IL17RD: variants seen among roughly 807,000 people sequenced by gnomAD.
IL17RD encodes the protein interleukin 17 receptor D.
A neutral mutation model predicts 80.5 loss-of-function variants in IL17RD; 52 were observed. That is an observed-to-expected ratio of 0.65 (90% confidence interval 0.52 to 0.81). The LOEUF (loss-of-function observed/expected upper bound fraction) is 0.81. Among genes scored for constraint, IL17RD ranks in the 40% least tolerant of loss-of-function variants. The probability of loss-of-function intolerance (pLI) is 0.00; values close to 1 mark genes in which losing one functional copy is unlikely to be tolerated. For missense variants in IL17RD, 1,024 were observed against 955.1 expected, an observed-to-expected ratio of 1.07 and a Z score of -0.95; for synonymous variants, 416 against 391.8, an observed-to-expected ratio of 1.06 and a Z score of -0.73.
intron 1 of IL17RD, 59 bp downstream of exon 1, chr3:57,165,102 G>A: frequency 2.1e-6 from 3 of 1,452,054 alleles, no homozygotes; most frequent in Non-Finnish European, 2.7e-6. Context: ...GCGAGCACCT[G>A]TGCGCGCTGC....
intron 3 of IL17RD, among the ~76,000 whole-genome samples, chr3:57,112,448 ACT>A (rs1559471357): frequency 6.6e-6 from 1 of 151,856 alleles, no homozygotes; most frequent in South Asian, 2.1e-4. Context: ...CCTAACAGAA[ACT>A]CTCCAGCCAC....
Position 57,105,850 on chromosome 3 carries a change from A to C in IL17RD, c.747+7T>G. On this transcript the variant is annotated splice_region_variant and intron_variant, in intron 7 of 12. Transcript: ENST00000296318. ...CAGTGTTCCTTTATATACACCCAGC[A>C]GCTCACCTGCTTACAGGTCTTTCGC... The C allele has an allele frequency of 3.7e-6, 6 of 1,612,954 alleles. No homozygotes were observed. The highest frequency in any genetic ancestry group is 1.7e-5 in the Admixed American group (1 of 59,976).
At chr3:57,101,024 A>G (rs527653768) in intron 11 of IL17RD, among the ~76,000 whole-genome samples, 155 bp downstream of exon 11, 1 of 152,340 alleles carries the variant, frequency 6.6e-6, no homozygotes, top group East Asian at 1.9e-4. Flanking sequence ...ACAGACTGAA[A>G]AAAGAGTGCG....
Position 57,094,090 on chromosome 3 carries a change from A to G in IL17RD, c.*2303T>C, listed in dbSNP as rs574079683. On this transcript the variant is annotated 3_prime_UTR_variant, in exon 13 of 13. Coordinates refer to ENST00000296318, the MANE Select transcript of IL17RD (RefSeq NM_017563.5). ...GTGACTTGGCAGAACGTTTTTCTGA[A>G]TTTCATCTTATATCCACCGTCTGGG... 9.2e-5 allele frequency: 14 copies of G among 152,294 alleles called. No homozygotes were observed. The highest frequency in any genetic ancestry group is 4.1e-4 in the South Asian group (2 of 4,824). The allele number at this position is 152,294 out of a possible 1,614,324, so 9.4% of individuals were successfully genotyped here.
At chr3:57,165,085 C>G (rs2107551130) in intron 1 of IL17RD, 76 bp downstream of exon 1, 8 of 1,393,356 alleles carry the variant, frequency 5.7e-6, no homozygotes, top group Middle Eastern at 2.6e-4. Context: ...CGCGGGCTCG[C>G]CTCCCCGCGA....
At chr3:57,147,751 A>G (rs1367509530) in intron 1 of IL17RD, among the ~76,000 whole-genome samples, 2 of 151,922 alleles carry the variant, frequency 1.3e-5, no homozygotes, top group African/African-American at 2.4e-5. Context: ...ACATCAATAC[A>G]TGGAAATATC....
rs1355941795 is a variant in IL17RD at position 57,096,350 on chromosome 3, G to C, written c.*43C>G. 1 of 1,294,924 alleles carries C rather than the reference G, an allele frequency of 7.7e-7. No homozygotes were observed. The highest frequency in any genetic ancestry group is 1.1e-6 in the Non-Finnish European group (1 of 888,320). The allele number at this position is 1,294,924 out of a possible 1,614,324, so 80.2% of individuals were successfully genotyped here. On this transcript the variant is annotated 3_prime_UTR_variant, in exon 13 of 13. Transcript: ENST00000296318. ...GGGAGATGAGCTGGGGAATCAGAGG[G>C]AGGCAGCAGCTAAAGTGGCAATGCT... is the stretch of plus-strand genomic sequence containing the variant.
intron 1 of IL17RD, among the ~76,000 whole-genome samples, chr3:57,161,411 T>G (rs1200604657): frequency 6.6e-6 from 1 of 152,256 alleles, no homozygotes; most frequent in East Asian, 1.9e-4. Flanking sequence ...ACTTCTCTTT[T>G]CCAAGTACCA....
chr3:57,110,477 A>C (rs901672929), intron 3 of IL17RD, among the ~76,000 whole-genome samples, 166 bp from the exon 4 acceptor site: 3 of 152,188 alleles, frequency 2.0e-5, no homozygotes, highest in African/African-American at 7.2e-5. Context: ...CACCCCCTGC[A>C]TTCCTCTGGT....
intron 1 of IL17RD, among the ~76,000 whole-genome samples, chr3:57,136,890 C>T (rs549039805): frequency 3.9e-5 from 6 of 152,170 alleles, no homozygotes; most frequent in African/African-American, 4.8e-5. Flanking sequence ...CTAAAAGACA[C>T]GAAACTACAG....
At chr3:57,167,902 C>T (rs2060354827), upstream of IL17RD, among the ~76,000 whole-genome samples, 1 of 152,174 alleles carries the variant, frequency 6.6e-6, no homozygotes, top group South Asian at 2.1e-4. Flanking sequence ...GCAATCTTGG[C>T]TCACTGCAAC....
At chr3:57,098,631 A>G (rs1706757787) in intron 11 of IL17RD, 93 bp from the exon 12 acceptor site, 2 of 807,204 alleles carry the variant, frequency 2.5e-6, no homozygotes, top group Admixed American at 4.6e-5. Flanking sequence ...GAAGGAGGCC[A>G]TCTCATCTGC....
chr3:57,151,917 T>C (rs1362795327), intron 1 of IL17RD, among the ~76,000 whole-genome samples: 2 of 152,120 alleles, frequency 1.3e-5, no homozygotes, highest in Non-Finnish European at 2.9e-5. Context: ...CAAAAACCAC[T>C]GCTCTAAATC....
chr3:57,102,410 T>G, intron 10 of IL17RD, 69 bp downstream of exon 10: 1 of 776,130 alleles, frequency 1.3e-6, no homozygotes, highest in South Asian at 3.3e-5. Flanking sequence ...ACTCCCAGTC[T>G]CTCTTTCTCT....
chr3:57,164,615 G>C (rs1050034881), intron 1 of IL17RD, among the ~76,000 whole-genome samples: 28 of 152,226 alleles, frequency 1.8e-4, no homozygotes, highest in African/African-American at 6.5e-4. Flanking sequence ...GGAGGGGTAG[G>C]AGTGGGGTGA....
intron 8 of IL17RD, 51 bp from the exon 9 acceptor site, chr3:57,103,196 G>T: frequency 6.9e-7 from 1 of 1,458,740 alleles, no homozygotes; most frequent in Non-Finnish European, 9.4e-7. Context: ...ATATATACCA[G>T]GTAAGTGGAA....
Position 57,104,410 on chromosome 3 carries a change from G to A in IL17RD, c.748-3C>T, listed in dbSNP as rs754443453. The A allele has an allele frequency of 3.1e-6, 5 of 1,599,110 alleles. No individual in the cohort carries two copies. Among genetic ancestry groups the A allele is most frequent in the Non-Finnish European group, 4.3e-6 (5 of 1,168,244 alleles). ...CTGGTCGTCTCTGTAGTTTGCTCCT[G>A]CAACAGACCAAAGAACACTTTAAAA... On this transcript the variant is annotated splice_region_variant and splice_polypyrimidine_tract_variant and intron_variant, in intron 7 of 12. Coordinates refer to ENST00000296318, the MANE Select transcript of IL17RD (RefSeq NM_017563.5).
chr3:57,102,763 G>C (rs541670212), intron 9 of IL17RD, among the ~76,000 whole-genome samples, 174 bp from the exon 10 acceptor site: 2 of 152,308 alleles, frequency 1.3e-5, no homozygotes, highest in South Asian at 4.1e-4. Flanking sequence ...TATTTAAAGA[G>C]TTGCAAAGAA....
At chr3:57,103,534 T>C (rs1258550934) in intron 8 of IL17RD, among the ~76,000 whole-genome samples, 1 of 152,174 alleles carries the variant, frequency 6.6e-6, no homozygotes, top group Admixed American at 6.5e-5. Flanking sequence ...ACACACTGCT[T>C]CCAAGGAGTG....
Sources: gnomAD v4.1 joint callset for allele counts (sites outside exome capture counted in the v4.1 genomes callset) on GRCh38, gnomAD v4.1.1 for gene constraint, MANE v1.5 for transcripts, NCBI Gene and HGNC (gene_info 2026-07-23, HGNC 2026-07-21) for gene names.